MIGA2: variants seen among roughly 807,000 people sequenced by gnomAD.
The protein encoded by MIGA2 is family with sequence similarity 73, member B.
A neutral mutation model predicts 69.9 loss-of-function variants in MIGA2; 36 were observed. The ratio of observed to expected loss-of-function variants is 0.52; its 90% CI spans 0.39 to 0.68. MIGA2 has a LOEUF of 0.68. Among genes scored for constraint, MIGA2 ranks in the 30% least tolerant of loss-of-function variants. MIGA2 has a pLI of 0.00. For synonymous variants in MIGA2, 333 were observed against 349.2 expected (o/e 0.95, Z 0.52); for missense variants, 660 against 787.7 (o/e 0.84, Z 1.94).
intron 1 of MIGA2, chr9:129,036,962 C>G: frequency 1.0e-6 from 1 of 1,003,012 alleles, no homozygotes; most frequent in African/African-American, 1.7e-5. Context: ...GGGGAGAGCA[C>G]CCGGGATGGA....
intron 3 of MIGA2, among the ~76,000 whole-genome samples, chr9:129,046,934 A>T (rs1317921862): frequency 2.6e-5 from 4 of 150,972 alleles, no homozygotes; most frequent in African/African-American, 9.8e-5. Context: ...GTGTGCCACC[A>T]CACCTGGCTA....
In MIGA2 at chr9:129,045,609, T is replaced by A. The variant is rs529135225; in HGVS notation, c.308-2818T>A. ...CCTGTCTCTATAAATAATTTTTTTT[T>A]AAAAAGAGAAAGAACATAAATTAGC... On this transcript the variant is annotated intron_variant, in intron 3 of 15. Transcript: ENST00000684074. 4.0e-3 allele frequency among the ~76,000 whole-genome samples: 610 copies of A among 151,426 alleles called. 3 individuals are homozygous for A. The highest frequency in any genetic ancestry group is 7.2e-3 in the Non-Finnish European group (486 of 67,892).
chr9:129,055,080 CTTT>C (rs112156716), intron 6 of MIGA2, among the ~76,000 whole-genome samples: 5 of 122,852 alleles, frequency 4.1e-5, no homozygotes, highest in Non-Finnish European at 3.4e-5. Flanking sequence ...TTTTTCTTTT[CTTT>C]TTTTTTTTTT....
At chr9:129,064,245 C>T (rs552922490) in intron 11 of MIGA2, among the ~76,000 whole-genome samples, 7 of 151,614 alleles carry the variant, frequency 4.6e-5, no homozygotes, top group Non-Finnish European at 1.0e-4. Context: ...CTCGCTCTCT[C>T]GCCCAGGCTG....
At chr9:129,057,745 A>G (rs940690365) in intron 6 of MIGA2, among the ~76,000 whole-genome samples, 1 of 152,084 alleles carries the variant, frequency 6.6e-6, no homozygotes, top group African/African-American at 2.4e-5. Context: ...AGCTGGGACT[A>G]CAGGCACACG....
At chr9:129,064,515 T>G (rs1241008119) in intron 11 of MIGA2, among the ~76,000 whole-genome samples, 1 of 151,782 alleles carries the variant, frequency 6.6e-6, no homozygotes, top group Non-Finnish European at 1.5e-5. Flanking sequence ...CCTTTTTTTT[T>G]TTTTTTCTTT....
intron 2 of MIGA2, among the ~76,000 whole-genome samples, chr9:129,040,901 A>T (rs1264080909): frequency 6.6e-6 from 1 of 152,114 alleles, no homozygotes; most frequent in Non-Finnish European, 1.5e-5. Flanking sequence ...AATTAAAAAA[A>T]TTGTATTGGC....
chr9:129,056,845 G>A (rs1192332123), intron 6 of MIGA2, among the ~76,000 whole-genome samples: 1 of 152,042 alleles, frequency 6.6e-6, no homozygotes, highest in Non-Finnish European at 1.5e-5. Context: ...ACCAGCCTGG[G>A]CAACATGGTG....
Position 129,060,690 on chromosome 9 carries a change from G to T in MIGA2, c.894+40G>T, listed in dbSNP as rs527402934. On this transcript the variant is annotated intron_variant, in intron 8 of 15. Transcript: ENST00000684074. The surrounding 1 kb of genome is among the most constrained non-coding windows in gnomAD (Gnocchi z 4.8). ...GGACCAAGCCTGGGGTGGGGTGAAG[G>T]CTGGGCCTCCTCTGCAGGTCCATGG... is the stretch of plus-strand genomic sequence containing the variant. 6.6e-7 allele frequency: 1 copy of T among 1,511,214 alleles called. No individual in the cohort carries two copies. Among genetic ancestry groups the T allele is most frequent in the South Asian group, 1.2e-5 (1 of 82,730 alleles). The allele number at this position is 1,511,214 out of a possible 1,614,324, so 93.6% of individuals were successfully genotyped here.
intron 11 of MIGA2, 128 bp downstream of exon 11, chr9:129,063,759 ACT>A: frequency 1.2e-6 from 1 of 821,554 alleles, no homozygotes; most frequent in Non-Finnish European, 1.9e-6. Flanking sequence ...CGTTCTGTAG[ACT>A]CTGCAACCGT....
chr9:129,042,555 C>T lies in MIGA2; in HGVS notation c.307+41C>T, dbSNP rs971228490. ...TGGGCATAGGCCTGACCTGAGGTCACATCCTGGGGTCATATCCCAGCTGGG... is the reference window on the plus strand; with the variant it reads ...TGGGCATAGGCCTGACCTGAGGTCATATCCTGGGGTCATATCCCAGCTGGG... On this transcript the variant is annotated intron_variant, in intron 3 of 15. Coordinates refer to ENST00000684074, the MANE Select transcript of MIGA2 (RefSeq NM_001329990.2). 3 of 1,524,674 alleles carry T rather than the reference C, an allele frequency of 2.0e-6. No homozygotes were observed. The African/African-American group carries it at 4.1e-5, about 21-fold the overall frequency. 94.4% of individuals were successfully genotyped at this position (1,524,674 alleles called of 1,614,324 possible). A position where few individuals can be genotyped will look rare whatever the true frequency, so the allele number is the denominator to read the frequency against.
chr9:129,060,765 A>C lies in MIGA2; in HGVS notation c.894+115A>C. 2.5e-6 allele frequency: 2 copies of C among 810,508 alleles called. No individual in the cohort carries two copies. The highest frequency in any genetic ancestry group is 3.7e-6 in the Non-Finnish European group (2 of 534,638). The allele number at this position is 810,508 out of a possible 1,614,324, so 50.2% of individuals were successfully genotyped here. On this transcript the variant is annotated intron_variant, in intron 8 of 15. Transcript: ENST00000684074. The surrounding 1 kb of genome is among the most constrained non-coding windows in gnomAD (Gnocchi z 4.8). ...TGGAGGCATTTCCTCTGATGGGAGA[A>C]TTTGGATGCTCCCACGGGCCTCCTC...
At chr9:129,067,647 G>A (rs887105021) in intron 11 of MIGA2, 126 bp from the exon 12 acceptor site, 12 of 807,496 alleles carry the variant, frequency 1.5e-5, no homozygotes, top group African/African-American at 3.4e-5. Flanking sequence ...TCTCTGCCAC[G>A]TTTTCTCTGT....
intron 1 of MIGA2, among the ~76,000 whole-genome samples, chr9:129,039,037 C>T (rs982003143): frequency 6.6e-6 from 1 of 151,626 alleles, no homozygotes; most frequent in African/African-American, 2.4e-5. Flanking sequence ...TCAGGTGATC[C>T]GCCCGCCTCA....
intron 10 of MIGA2, 90 bp from the exon 11 acceptor site, chr9:129,063,455 A>C (rs1588409199): frequency 6.4e-7 from 1 of 1,562,326 alleles, no homozygotes. Flanking sequence ...CAGGTGGGCC[A>C]CCTACCTGGC....
At chr9:129,050,011 G>T (rs1486807829) in intron 6 of MIGA2, 48 bp downstream of exon 6, 1 of 1,575,606 alleles carries the variant, frequency 6.3e-7, no homozygotes. Flanking sequence ...AAAGTTGGCA[G>T]CACAGGAGAG....
intron 3 of MIGA2, among the ~76,000 whole-genome samples, chr9:129,043,812 T>C (rs1845055306): frequency 6.6e-6 from 1 of 152,034 alleles, no homozygotes; most frequent in African/African-American, 2.4e-5. Context: ...GCGATTCTTC[T>C]GCCTCAGCCT....
chr9:129,057,790 G>C (rs1165779075), intron 6 of MIGA2, among the ~76,000 whole-genome samples: 1 of 151,940 alleles, frequency 6.6e-6, no homozygotes, highest in Non-Finnish European at 1.5e-5. Flanking sequence ...ATTTTTTGTA[G>C]AGATAGGGTC....
chr9:129,063,163 C>A, intron 9 of MIGA2, 81 bp from the exon 10 acceptor site: 1 of 1,452,768 alleles, frequency 6.9e-7, no homozygotes, highest in Non-Finnish European at 9.6e-7. Flanking sequence ...CCTCCCCCCT[C>A]CCCACCCAGG....
Sources: allele counts gnomAD v4.1 joint callset (sites outside exome capture counted in the v4.1 genomes callset), GRCh38; gene constraint gnomAD v4.1.1; non-coding constraint Gnocchi (gnomAD v3.1); transcripts MANE v1.5; gene names NCBI Gene and HGNC (gene_info 2026-07-23, HGNC 2026-07-21).